Variants in NUDT4 observed in about 807,000 individuals in gnomAD.
NUDT4 encodes the protein nudix hydrolase 4.
NUDT4 carries 5 observed loss-of-function variants against 23.1 expected under a neutral mutation model. That is an observed-to-expected ratio of 0.22 (90% CI 0.11 to 0.46). The LOEUF (loss-of-function observed/expected upper bound fraction) is 0.46, where lower values mean the gene tolerates loss of function less well. Ranked by LOEUF, NUDT4 falls within the 20% of genes least tolerant of loss-of-function variation. The pLI is 0.99. For missense variants in NUDT4, 96 were observed against 211.6 expected (o/e 0.45, Z 3.39); for synonymous variants, 50 against 79.0 (o/e 0.63, Z 1.95).
intron 3 of NUDT4, among the ~76,000 whole-genome samples, chr12:93,396,967 G>GA (rs937684820): frequency 6.6e-6 from 1 of 152,114 alleles, no homozygotes; most frequent in Non-Finnish European, 1.5e-5. Flanking sequence ...TGGTTAAACT[G>GA]AAAAACATAC....
intron 1 of NUDT4, among the ~76,000 whole-genome samples, chr12:93,387,077 G>A (rs751906875): frequency 4.0e-5 from 6 of 151,816 alleles, no homozygotes; most frequent in South Asian, 2.1e-4. Flanking sequence ...GATTACAGGC[G>A]TGCACCACCA....
chr12:93,398,949 C>A, intron 4 of NUDT4, 94 bp downstream of exon 4: 1 of 941,912 alleles, frequency 1.1e-6, no homozygotes, highest in Non-Finnish European at 1.6e-6. Flanking sequence ...TATCTGAATA[C>A]TCTTTGCTTA....
Position 93,395,315 on chromosome 12 carries a change from C to T in NUDT4, c.211-174C>T, listed in dbSNP as rs141767023. Among the ~76,000 whole-genome samples the T allele has an allele frequency of 1.9e-3, 293 of 152,140 alleles. 1 individual carries two copies. Among genetic ancestry groups the T allele is most frequent in the African/African-American group, 6.6e-3 (275 of 41,490 alleles). The stretch of plus-strand genomic sequence containing the variant: ...ATACTAATTTTTGATCAGTCCTTGC[C>T]GCTGATGAAGTAAATGACAATAAAA... On this transcript the variant is annotated intron_variant, in intron 2 of 4. Transcript: ENST00000415493.
intron 1 of NUDT4, among the ~76,000 whole-genome samples, chr12:93,388,811 G>T (rs1337002257): frequency 1.3e-5 from 2 of 152,182 alleles, no homozygotes; most frequent in Non-Finnish European, 2.9e-5. Context: ...CCCTTGAGAT[G>T]AGCACTTGAA....
chr12:93,383,506 A>G (rs1875841813), intron 1 of NUDT4, among the ~76,000 whole-genome samples: 1 of 152,204 alleles, frequency 6.6e-6, no homozygotes, highest in Non-Finnish European at 1.5e-5. Flanking sequence ...GATTTATGAT[A>G]ATTTGGAAAG....
Position 93,382,674 on chromosome 12 carries a change from C to CTTTTTTTTTT in NUDT4, c.99+4264_99+4273dup, listed in dbSNP as rs11315217. On this transcript the variant is annotated intron_variant, in intron 1 of 4. Transcript: ENST00000415493. ...AAAATAAGTACTATCCAAAGGTAGC[C>CTTTTTTTTTT]TTTTTTTTTTTTTTTTTTTTGAGAC... is the stretch of plus-strand genomic sequence containing the variant. Among the ~76,000 whole-genome samples the CTTTTTTTTTT allele has an allele frequency of 2.2e-3, 246 of 111,632 alleles. 9 individuals are homozygous for CTTTTTTTTTT. Among genetic ancestry groups the CTTTTTTTTTT allele is most frequent in the African/African-American group, 6.3e-3 (180 of 28,462 alleles). 73.2% of individuals were successfully genotyped at this position (111,632 alleles called of 152,430 possible). A position where few individuals can be genotyped will look rare whatever the true frequency, so the allele number is the denominator to read the frequency against.
chr12:93,395,344 TC>T, intron 2 of NUDT4, 144 bp from the exon 3 acceptor site: 1 of 672,916 alleles, frequency 1.5e-6, no homozygotes. Flanking sequence ...AATAAAAACT[TC>T]ACAGAAGCAG....
At chr12:93,389,688 G>A (rs888527998) in intron 1 of NUDT4, among the ~76,000 whole-genome samples, 1 of 151,922 alleles carries the variant, frequency 6.6e-6, no homozygotes, top group Non-Finnish European at 1.5e-5. Flanking sequence ...GGATCACGAG[G>A]TCAGGAGTTC....
intron 1 of NUDT4, among the ~76,000 whole-genome samples, chr12:93,392,016 T>A (rs2120925504): frequency 6.6e-6 from 1 of 152,090 alleles, no homozygotes; most frequent in Non-Finnish European, 1.5e-5. Flanking sequence ...CCTGAGTAGC[T>A]GGGACTACAG....
rs574505492 is a variant in NUDT4, at chr12:93,392,703, G to A, written c.100-1906G>A. 3.5e-3 allele frequency among the ~76,000 whole-genome samples: 320 copies of A among 91,442 alleles called. 4 individuals are homozygous for A. In the South Asian group the frequency reaches 0.041, roughly 12 times the overall value. The allele number at this position is 91,442 out of a possible 152,430, so 60.0% of individuals were successfully genotyped here. A position where few individuals can be genotyped will look rare whatever the true frequency, so the allele number is the denominator to read the frequency against. Reference sequence around the variant, plus strand: ...TTTTTTTCCCCCGAGATGGAGTCTTGCTCTGTTGCCCAGGCTGGAGTGCAG... The same window carrying A: ...TTTTTTTCCCCCGAGATGGAGTCTTACTCTGTTGCCCAGGCTGGAGTGCAG... On this transcript the variant is annotated intron_variant, in intron 1 of 4. Coordinates refer to ENST00000415493, the MANE Select transcript of NUDT4 (RefSeq NM_019094.6).
At chr12:93,386,178 T>C (rs1203759422) in intron 1 of NUDT4, among the ~76,000 whole-genome samples, 1 of 151,850 alleles carries the variant, frequency 6.6e-6, no homozygotes, top group African/African-American at 2.4e-5. Context: ...GGTCTTCCTA[T>C]GTTGCCTAGG....
chr12:93,384,287 C>T (rs1251168061), intron 1 of NUDT4, among the ~76,000 whole-genome samples: 1 of 152,102 alleles, frequency 6.6e-6, no homozygotes, highest in Non-Finnish European at 1.5e-5. Context: ...CCTGCCTCAG[C>T]CTCCCGAGTA....
rs1877816223 is a variant in NUDT4, at chr12:93,406,320, TCAACA to T, written c.*6942_*6946del. 4.0e-5 allele frequency: 5 copies of T among 125,622 alleles called. No individual in the cohort carries two copies. Among genetic ancestry groups the T allele is most frequent in the Non-Finnish European group, 8.4e-5 (5 of 59,200 alleles). 7.8% of individuals were successfully genotyped at this position (125,622 alleles called of 1,614,324 possible). On this transcript the variant is annotated 3_prime_UTR_variant, in exon 5 of 5. Coordinates refer to ENST00000415493, the MANE Select transcript of NUDT4 (RefSeq NM_019094.6). ...AAAAAAAAAAAGGTTCCTGAACCAT[TCAACA>T]GAAAAATGAGGCCTATTCCTATCAT...
intron 1 of NUDT4, among the ~76,000 whole-genome samples, chr12:93,382,674 C>CTTTTTTTTTTTTTTTTTTTTTGTTTT (rs11315217): frequency 9.0e-6 from 1 of 111,654 alleles, no homozygotes; most frequent in African/African-American, 3.5e-5. Context: ...CAAAGGTAGC[C>CTTTTTTTTTTTTTTTTTTTTTGTTTT]TTTTTTTTTT....
At chr12:93,384,063 T>C (rs1322109053) in intron 1 of NUDT4, among the ~76,000 whole-genome samples, 3 of 152,140 alleles carry the variant, frequency 2.0e-5, no homozygotes, top group African/African-American at 4.8e-5. Context: ...ACCTACAGCC[T>C]CTGAAGGCAT....
chr12:93,378,724 T>G, intron 1 of NUDT4: 1 of 1,087,674 alleles, frequency 9.2e-7, no homozygotes, highest in Non-Finnish European at 1.1e-6. Context: ...GTCACCATCT[T>G]AACGTGCGAA....
intron 1 of NUDT4, among the ~76,000 whole-genome samples, chr12:93,384,593 A>C (rs773055473): frequency 6.6e-6 from 1 of 152,218 alleles, no homozygotes; most frequent in South Asian, 2.1e-4. Context: ...AATATTTTAT[A>C]ATATTTTAAG....
intron 3 of NUDT4, among the ~76,000 whole-genome samples, chr12:93,396,889 G>A (rs962448533): frequency 7.2e-5 from 11 of 152,132 alleles, no homozygotes; most frequent in African/African-American, 2.7e-4. Context: ...GAGAAAAGTC[G>A]TTCAAGTAGA....
intron 1 of NUDT4, among the ~76,000 whole-genome samples, chr12:93,392,214 C>A (rs1354437375): frequency 1.3e-5 from 2 of 149,580 alleles, no homozygotes; most frequent in Non-Finnish European, 3.0e-5. Context: ...GAAGTTCAAC[C>A]TAAGCTAGCC....
Sources: allele counts gnomAD v4.1 joint callset (sites outside exome capture counted in the v4.1 genomes callset), GRCh38; gene constraint gnomAD v4.1.1; transcripts MANE v1.5; gene names NCBI Gene and HGNC (gene_info 2026-07-23, HGNC 2026-07-21).